Variants in PCIF1 observed in about 807,000 individuals in gnomAD.
PCIF1 encodes mRNA (2'-O-methyladenosine-N(6)-)-methyltransferase.
A neutral mutation model predicts 86.9 loss-of-function variants in PCIF1; 12 were observed. That is an observed-to-expected ratio of 0.14 (90% CI 0.09 to 0.22). The LOEUF (loss-of-function observed/expected upper bound fraction) is 0.22, where lower values mean the gene tolerates loss of function less well. PCIF1 is among the 10% of genes least tolerant of loss of function. The probability of loss-of-function intolerance (pLI) is 1.00; values close to 1 mark genes in which losing one functional copy is unlikely to be tolerated. For synonymous variants in PCIF1, 397 were observed against 372.0 expected (o/e 1.07, Z -0.77); for missense variants, 701 against 951.1 (o/e 0.74, Z 3.46).
Position 45,943,787 on chromosome 20 carries a change from A to G in PCIF1, c.1005+22A>G, listed in dbSNP as rs1168892862. 3.2e-5 allele frequency: 49 copies of G among 1,545,116 alleles called. No homozygotes were observed. Among genetic ancestry groups the G allele is most frequent in the East Asian group, 2.4e-5 (1 of 40,866 alleles). On this transcript the variant is annotated intron_variant, in intron 10 of 16. Coordinates refer to ENST00000372409, the MANE Select transcript of PCIF1 (RefSeq NM_022104.4). The surrounding 1 kb of genome is among the most constrained non-coding windows in gnomAD (Gnocchi z 5.5). ...CATGGTGAGTGGGTCCCCGGGTGAG[A>G]AGGCCAGTTTTAGGGCTCTGTGGCC... is the stretch of plus-strand genomic sequence containing the variant.
At chr20:45,936,043 G>A (rs3848715) in intron 1 of PCIF1, among the ~76,000 whole-genome samples, 84,312 of 152,094 alleles carry the variant, frequency 0.55, 24,064 homozygotes, top group African/African-American at 0.69. Flanking sequence ...GCATGTTTTT[G>A]TTTTTGCAAG....
intron 1 of PCIF1, among the ~76,000 whole-genome samples, chr20:45,935,712 C>A (rs1359237948): frequency 6.6e-6 from 1 of 152,010 alleles, no homozygotes; most frequent in Non-Finnish European, 1.5e-5. Flanking sequence ...AATGAGTCAT[C>A]CTGTCTCCCA....
chr20:45,947,146 G>A lies in PCIF1; in HGVS notation c.1687G>A (p.Ala563Thr). 1 of 1,613,378 alleles carries A rather than the reference G, an allele frequency of 6.2e-7. No individual in the cohort carries two copies. The highest frequency in any genetic ancestry group is 8.5e-7 in the Non-Finnish European group (1 of 1,179,386). Reference sequence around the variant, plus strand: ...TCCCTTCTGCGAGGAGCTCATGGATGCCATGGTCTCTCACTTTGAGGTGGG... The same window carrying A: ...TCCCTTCTGCGAGGAGCTCATGGATACCATGGTCTCTCACTTTGAGGTGGG... Reference protein sequence around the residue: ...NPPFCEELMDAMVSHFERLLE... With the variant: ...NPPFCEELMDTMVSHFERLLE... The change falls in exon 15 of 17, where the codon GCC becomes ACC. Residue 563 changes from alanine (A) to threonine (T), a missense_variant. Physicochemically the swap from Ala to Thr is moderately conservative, Grantham distance 58 (BLOSUM62 0). This residue lies in a region of PCIF1 where 174 missense variants were observed against 206.9 expected (regional missense o/e 0.84). Coordinates refer to ENST00000372409, the MANE Select transcript of PCIF1 (RefSeq NM_022104.4). The surrounding 1 kb of genome is among the most constrained non-coding windows in gnomAD (Gnocchi z 5.4).
rs2083402027 is a variant in PCIF1, at chr20:45,934,819, A to G, written c.-188+15A>G. ...GCTCCGGGCAGGTAAGAGTCCCAGGAAGCCATGGTCCCGCAGCGAGCCGCG... is the reference window on the plus strand; with the variant it reads ...GCTCCGGGCAGGTAAGAGTCCCAGGGAGCCATGGTCCCGCAGCGAGCCGCG... On this transcript the variant is annotated intron_variant, in intron 1 of 16. Coordinates refer to ENST00000372409, the MANE Select transcript of PCIF1 (RefSeq NM_022104.4). The G allele has an allele frequency of 2.5e-6, 1 of 398,082 alleles. No individual in the cohort carries two copies. Among genetic ancestry groups the G allele is most frequent in the Non-Finnish European group, 4.4e-6 (1 of 225,774 alleles). 24.7% of individuals were successfully genotyped at this position (398,082 alleles called of 1,614,324 possible).
In PCIF1 at chr20:45,946,185, G is replaced by A. The variant is rs753324408; in HGVS notation, c.1429-15G>A. Reference sequence around the variant, plus strand: ...GGAGGGTGAGCCCCAGGTGCTGACGGTGGCCACTCCGCAGATGATGTTCGG... The same window carrying A: ...GGAGGGTGAGCCCCAGGTGCTGACGATGGCCACTCCGCAGATGATGTTCGG... On this transcript the variant is annotated splice_polypyrimidine_tract_variant and intron_variant, in intron 13 of 16. Coordinates refer to ENST00000372409, the MANE Select transcript of PCIF1 (RefSeq NM_022104.4). 6.2e-6 allele frequency: 10 copies of A among 1,614,042 alleles called. No homozygotes were observed. Among genetic ancestry groups the A allele is most frequent in the Non-Finnish European group, 7.6e-6 (9 of 1,180,030 alleles).
Position 45,946,101 on chromosome 20 carries a change from C to G in PCIF1, c.1414C>G (p.Leu472Val). The change falls in exon 13 of 17, where the codon CTC becomes GTC. Residue 472 changes from leucine (L) to valine (V), a missense_variant. This residue lies in a region of PCIF1 where 61 missense variants were observed against 118.5 expected (regional missense o/e 0.51). Coordinates refer to ENST00000372409, the MANE Select transcript of PCIF1 (RefSeq NM_022104.4). Reference protein sequence around the residue: ...ERFLPRVWCLLRRYQMMFGVG... With the variant: ...ERFLPRVWCLVRRYQMMFGVG... ...GTTCCTGCCCCGGGTCTGGTGTCTT[C>G]TCCGACGGTACCAGGTACAGGCCTG... 2.5e-6 allele frequency: 4 copies of G among 1,614,206 alleles called. No individual in the cohort carries two copies. In the South Asian group the frequency reaches 3.3e-5, roughly 13 times the overall value.
In PCIF1 at chr20:45,941,164, G is replaced by A. The variant is rs1600504169; in HGVS notation, c.630G>A (p.Leu210=). 6.2e-7 allele frequency: 1 copy of A among 1,613,968 alleles called. No homozygotes were observed. The highest frequency in any genetic ancestry group is 8.5e-7 in the Non-Finnish European group (1 of 1,179,934). The change falls in exon 7 of 17, where the codon CTG becomes CTA. Residue 210 remains leucine (L), a synonymous_variant. Coordinates refer to ENST00000372409, the MANE Select transcript of PCIF1 (RefSeq NM_022104.4). ...AACTGCTCCGCTCTCAGCTCATCCT[G>A]AAGCTTCGGCAGCACTATCGGGAGC... The part of the protein sequence containing the change: ...EVELLRSQLI[L]KLRQHYRELC...
intron 10 of PCIF1, among the ~76,000 whole-genome samples, chr20:45,944,533 C>T (rs533251099): frequency 2.0e-5 from 3 of 152,334 alleles, no homozygotes; most frequent in South Asian, 2.1e-4. Flanking sequence ...TTGTCTGTTT[C>T]TCCGGTAATT....
chr20:45,944,028 C>G (rs1236362265), intron 10 of PCIF1, among the ~76,000 whole-genome samples: 1 of 152,106 alleles, frequency 6.6e-6, no homozygotes, highest in East Asian at 1.9e-4. Flanking sequence ...AGATAGCTGC[C>G]TTTCAGCCTA....
intron 1 of PCIF1, among the ~76,000 whole-genome samples, chr20:45,936,457 G>T (rs1165733859): frequency 6.6e-6 from 1 of 150,522 alleles, no homozygotes; most frequent in Non-Finnish European, 1.5e-5. Context: ...CCAAAGTGCT[G>T]GGATTACAGG....
chr20:45,935,351 G>GGA (rs557519132), intron 1 of PCIF1, among the ~76,000 whole-genome samples: 1 of 152,238 alleles, frequency 6.6e-6, no homozygotes, highest in East Asian at 1.9e-4. Context: ...TCCCGGACTC[G>GGA]GACTCTGGCT....
At chr20:45,937,210 G>T (rs534748285) in intron 1 of PCIF1, among the ~76,000 whole-genome samples, 7 of 152,322 alleles carry the variant, frequency 4.6e-5, no homozygotes, top group South Asian at 2.1e-4. Context: ...GTGGATCCCT[G>T]TGCAGCCGTG....
rs748431263 is a variant in PCIF1 at position 45,947,670 on chromosome 20, G to T, written c.2030G>T (p.Gly677Val). The change falls in exon 17 of 17, where the codon GGT becomes GTT. Residue 677 changes from glycine to valine, a missense_variant. Physicochemically the swap from Gly to Val is moderately radical, Grantham distance 109. Around this residue, in one of 7 missense-constraint regions of PCIF1, gnomAD observed 174 missense variants for 206.9 expected, o/e 0.84. Coordinates refer to ENST00000372409, the MANE Select transcript of PCIF1 (RefSeq NM_022104.4). This position sits in a 1 kb window ranked among gnomAD's most constrained non-coding sequence, Gnocchi z 5.4. ...YRQSGRSHSS[G>V]SSSSSSSEAK... ...CAGTCAGGCCGCAGCCACAGCTCTG[G>T]TTCTTCCTCATCGTCCTCCTCGGAG... 2 of 1,612,130 alleles carry T rather than the reference G, an allele frequency of 1.2e-6. No homozygotes were observed. The highest frequency in any genetic ancestry group is 1.7e-6 in the Non-Finnish European group (2 of 1,179,506).
rs756785423 is a variant in PCIF1, at chr20:45,943,200, G to A, written c.777G>A (p.Val259=). The A allele has an allele frequency of 6.2e-7, 1 of 1,614,118 alleles. No homozygotes were observed. Among genetic ancestry groups the A allele is most frequent in the South Asian group, 1.1e-5 (1 of 91,082 alleles). ...TGCCCAGCAACTGTGAACCAGTCGT[G>A]TCACCTTCCATGTTTCGTGAAATCA... is the stretch of plus-strand genomic sequence containing the variant. ...PLLPSNCEPV[V]SPSMFREIMN... Residue 259 remains valine (V), a synonymous_variant, in exon 8 of 17, where the codon GTG becomes GTA. Transcript: ENST00000372409. This position sits in a 1 kb window ranked among gnomAD's most constrained non-coding sequence, Gnocchi z 5.5.
At chr20:45,940,677 C>T in intron 5 of PCIF1, 65 bp downstream of exon 5, 1 of 1,574,602 alleles carries the variant, frequency 6.4e-7, no homozygotes. Flanking sequence ...CTGCAGGCTC[C>T]CTGCAGGGGC....
chr20:45,941,979 AT>A (rs796753231), intron 7 of PCIF1, among the ~76,000 whole-genome samples: 40 of 109,566 alleles, frequency 3.7e-4, no homozygotes, highest in Admixed American at 1.9e-3. Context: ...TTTTTTTTTA[AT>A]TTTTTTTTTT....
In PCIF1 at chr20:45,939,023, C is replaced by A. The variant is rs201439678; in HGVS notation, c.24C>A (p.Ser8Arg). Reference protein sequence around the residue: MANENHGSPREEASLLSH... With the variant: MANENHGRPREEASLLSH... ...AGATGGCCAATGAGAATCACGGCAG[C>A]CCCCGGGAGGAAGCGTCCCTGCTGA... The change falls in exon 3 of 17, where the codon AGC becomes AGA. Residue 8 changes from serine to arginine, a missense_variant. Around this residue, in one of 7 missense-constraint regions of PCIF1, gnomAD observed 60 missense variants for 58.6 expected, o/e 1.02. Transcript: ENST00000372409. 6.2e-7 allele frequency: 1 copy of A among 1,613,962 alleles called. No individual in the cohort carries two copies. The highest frequency in any genetic ancestry group is 1.1e-5 in the South Asian group (1 of 91,066).
At position 45,943,147 on chromosome 20, in the gene PCIF1, G is replaced by T. The variant is rs1257370620; in HGVS notation, c.724G>T (p.Val242Leu). 1 of 1,614,046 alleles carries T rather than the reference G, an allele frequency of 6.2e-7. No homozygotes were observed. Among genetic ancestry groups the T allele is most frequent in the East Asian group, 2.2e-5 (1 of 44,884 alleles). ...SFNRWMLERK[V>L]VDKGSDPLLP... ...CAACCGCTGGATGCTGGAGCGCAAG[G>T]TGGTAGACAAAGGATCTGACCCCCT... The change falls in exon 8 of 17, where the codon GTG becomes TTG. Residue 242 changes from valine to leucine, a missense_variant. By Grantham distance (32) the Val-to-Leu change is conservative. Transcript: ENST00000372409. The surrounding 1 kb of genome is among the most constrained non-coding windows in gnomAD (Gnocchi z 5.5).
intron 5 of PCIF1, 64 bp downstream of exon 5, chr20:45,940,676 C>T (rs953844370): frequency 5.1e-6 from 8 of 1,575,174 alleles, no homozygotes; most frequent in East Asian, 2.2e-5. Flanking sequence ...CCTGCAGGCT[C>T]CCTGCAGGGG....
Sources: gnomAD v4.1 joint callset for allele counts (sites outside exome capture counted in the v4.1 genomes callset) on GRCh38, gnomAD v4.1.1 for gene constraint, gnomAD v4.1.1 regional missense constraint, Gnocchi (gnomAD v3.1) non-coding constraint, MANE v1.5 for transcripts, NCBI Gene and HGNC (gene_info 2026-07-23, HGNC 2026-07-21) for gene names.